Variants in CMTM8 observed in about 807,000 individuals in gnomAD.
CMTM8 encodes the protein CKLF like MARVEL transmembrane domain containing 8.
Under a neutral mutation model 18.6 loss-of-function variants are expected in CMTM8, and 12 were observed. That is an observed-to-expected ratio of 0.65 (90% CI 0.41 to 1.05). CMTM8 has a LOEUF of 1.05. CMTM8 is among the 50% of genes least tolerant of loss of function. CMTM8 has a pLI of 0.00. For synonymous variants in CMTM8, 87 were observed against 90.6 expected (o/e 0.96, Z 0.23); for missense variants, 217 against 227.2 (o/e 0.95, Z 0.29).
At chr3:32,351,608 A>T (rs1323927982) in intron 1 of CMTM8, among the ~76,000 whole-genome samples, 1 of 152,016 alleles carries the variant, frequency 6.6e-6, no homozygotes, top group East Asian at 1.9e-4. Context: ...GCTACTCAGG[A>T]GGCTGAGATA....
At chr3:32,286,250 A>C (rs1360862725) in intron 1 of CMTM8, among the ~76,000 whole-genome samples, 2 of 152,206 alleles carry the variant, frequency 1.3e-5, no homozygotes, top group Non-Finnish European at 2.9e-5. Flanking sequence ...AAATCTTTTA[A>C]ATTGCAAATT....
At chr3:32,256,341 A>ATTG (rs1365509276) in intron 1 of CMTM8, among the ~76,000 whole-genome samples, 1 of 152,062 alleles carries the variant, frequency 6.6e-6, no homozygotes, top group African/African-American at 2.4e-5. Flanking sequence ...GAGTGCTGGG[A>ATTG]TTACAGGTGT....
chr3:32,273,146 TG>T (rs1160904469), intron 1 of CMTM8, among the ~76,000 whole-genome samples: 2 of 151,766 alleles, frequency 1.3e-5, no homozygotes, highest in African/African-American at 4.8e-5. Context: ...TGTGTGTGTG[TG>T]TGTGTGTGTG....
At chr3:32,364,592 A>G (rs1696994912) in intron 2 of CMTM8, among the ~76,000 whole-genome samples, 2 of 152,200 alleles carry the variant, frequency 1.3e-5, no homozygotes, top group African/African-American at 4.8e-5. Context: ...TATTTAAATA[A>G]ATGCTAAGAA....
At chr3:32,273,129 A>ATGTGTGTGTGTGTGTG (rs60162265) in intron 1 of CMTM8, among the ~76,000 whole-genome samples, 15,495 of 142,688 alleles carry the variant, frequency 0.11, 1,096 homozygotes, top group East Asian at 0.25. Flanking sequence ...ATTGGAACAA[A>ATGTGTGTGTGTGTGTG]TGTGTGTGTG....
chr3:32,306,236 G>C (rs1695712850), intron 1 of CMTM8, among the ~76,000 whole-genome samples: 1 of 152,138 alleles, frequency 6.6e-6, no homozygotes, highest in Non-Finnish European at 1.5e-5. Flanking sequence ...TCATCAGTTT[G>C]GCCTAAACTT....
chr3:32,332,630 G>T (rs191288876), intron 1 of CMTM8, among the ~76,000 whole-genome samples: 3 of 152,136 alleles, frequency 2.0e-5, no homozygotes, highest in Admixed American at 2.0e-4. Flanking sequence ...TCCTTAGCAC[G>T]CTCAGCCGCC....
intron 1 of CMTM8, among the ~76,000 whole-genome samples, chr3:32,285,530 A>G (rs887661219): frequency 2.0e-5 from 3 of 149,590 alleles, no homozygotes; most frequent in African/African-American, 7.4e-5. Flanking sequence ...AAAAAAATTA[A>G]ATTAATAATA....
intron 1 of CMTM8, among the ~76,000 whole-genome samples, chr3:32,263,343 CT>C (rs1384980353): frequency 6.6e-6 from 1 of 152,228 alleles, no homozygotes; most frequent in African/African-American, 2.4e-5. Context: ...GGCAAACGGT[CT>C]GGAGTGGACC....
intron 1 of CMTM8, among the ~76,000 whole-genome samples, chr3:32,265,618 G>A (rs201758837): frequency 0.064 from 9,472 of 147,018 alleles, 609 homozygotes; most frequent in East Asian, 0.42. Flanking sequence ...CAGAACTGAA[G>A]GAAATAGAGA....
chr3:32,351,056 G>A lies in CMTM8; in HGVS notation c.148-6317G>A, dbSNP rs114013713. Among the ~76,000 whole-genome samples the A allele has an allele frequency of 9.2e-3, 1,405 of 152,302 alleles. 6 individuals carry two copies. Among genetic ancestry groups the A allele is most frequent in the Non-Finnish European group, 0.013 (877 of 68,026 alleles). The stretch of plus-strand genomic sequence containing the variant: ...GGGTTTTTGGAGGGAGCAAAATTAG[G>A]TGTTCAGTCTGATATACTTTCCAAT... On this transcript the variant is annotated intron_variant, in intron 1 of 3. Transcript: ENST00000307526.
At chr3:32,345,206 T>A (rs1201611472) in intron 1 of CMTM8, among the ~76,000 whole-genome samples, 1 of 152,034 alleles carries the variant, frequency 6.6e-6, no homozygotes, top group East Asian at 1.9e-4. Context: ...CTGAGTGTGG[T>A]GGTGTAGTCT....
chr3:32,362,701 G>A (rs1238047718), intron 2 of CMTM8, among the ~76,000 whole-genome samples: 1 of 152,220 alleles, frequency 6.6e-6, no homozygotes, highest in African/African-American at 2.4e-5. Flanking sequence ...GTTCTAAAGA[G>A]TCCCATTTGT....
rs900587998 is a variant in CMTM8, at chr3:32,358,796, G to C, written c.321+1250G>C. Among the ~76,000 whole-genome samples the C allele has an allele frequency of 1.3e-5, 2 of 152,212 alleles. No individual in the cohort carries two copies. Among genetic ancestry groups the C allele is most frequent in the African/African-American group, 4.8e-5 (2 of 41,442 alleles). ...AATAAGGTGCTTAATCACTGTCTAG[G>C]GTGGTGGAAACAGCCTTGTTAGAAT... is the stretch of plus-strand genomic sequence containing the variant. On this transcript the variant is annotated intron_variant, in intron 2 of 3. Transcript: ENST00000307526. The surrounding 1 kb of genome is among the most constrained non-coding windows in gnomAD (Gnocchi z 4.1).
intron 2 of CMTM8, among the ~76,000 whole-genome samples, chr3:32,366,226 T>C (rs1697031890): frequency 6.6e-6 from 1 of 152,168 alleles, no homozygotes; most frequent in Non-Finnish European, 1.5e-5. Flanking sequence ...TACTCACGTC[T>C]CTACCAACCC....
intron 3 of CMTM8, among the ~76,000 whole-genome samples, chr3:32,368,477 T>A (rs1697088168): frequency 7.4e-6 from 1 of 135,430 alleles, no homozygotes; most frequent in South Asian, 2.3e-4. Flanking sequence ...TTTTTTTTTT[T>A]AGAGAAGGGG....
chr3:32,256,569 G>A (rs1175334484), intron 1 of CMTM8, among the ~76,000 whole-genome samples: 1 of 152,212 alleles, frequency 6.6e-6, no homozygotes, highest in Admixed American at 6.5e-5. Flanking sequence ...AATTGTAGGT[G>A]AAATGGGAGT....
At position 32,266,141 on chromosome 3, in the gene CMTM8, G is replaced by C. The variant is rs577211047; in HGVS notation, c.147+27022G>C. Among the ~76,000 whole-genome samples, 964 of 152,238 alleles carry C rather than the reference G, an allele frequency of 6.3e-3. 5 individuals carry two copies. The highest frequency in any genetic ancestry group is 0.022 in the African/African-American group (920 of 41,554). ...CATCCTGATACCAAAGCCTGGCAGA[G>C]ACACAACAAAAAAAGAGAATTTTAG... On this transcript the variant is annotated intron_variant, in intron 1 of 3. Coordinates refer to ENST00000307526, the MANE Select transcript of CMTM8 (RefSeq NM_178868.5).
chr3:32,359,943 AT>A (rs1473180155), intron 2 of CMTM8, among the ~76,000 whole-genome samples: 1 of 152,146 alleles, frequency 6.6e-6, no homozygotes, highest in Non-Finnish European at 1.5e-5. Flanking sequence ...TTCCATCAGC[AT>A]TTGTTTTCTG....
Sources: allele counts gnomAD v4.1 joint callset (sites outside exome capture counted in the v4.1 genomes callset), GRCh38; gene constraint gnomAD v4.1.1; non-coding constraint Gnocchi (gnomAD v3.1); transcripts MANE v1.5; gene names NCBI Gene and HGNC (gene_info 2026-07-23, HGNC 2026-07-21).